The following PCDH11X variants were observed in gnomAD, a reference collection of about 807,000 sequenced individuals.
PCDH11X encodes protocadherin 11 X-linked.
PCDH11X carries 18 observed loss-of-function variants against 53.3 expected under a neutral mutation model. The observed-to-expected ratio is 0.34, with a 90% CI of 0.23 to 0.50. PCDH11X has a LOEUF of 0.50. PCDH11X is among the 20% of genes least tolerant of loss of function. PCDH11X has a pLI of 0.98. For synonymous variants in PCDH11X, 279 were observed against 393.3 expected (o/e 0.71, Z 3.44); for missense variants, 570 against 1,032.4 (o/e 0.55, Z 6.14).
intron 1 of PCDH11X, among the ~76,000 whole-genome samples, chrX:91,783,705 A>C (rs925590389): frequency 1.8e-5 from 2 of 112,038 alleles, no homozygotes; most frequent in Non-Finnish European, 3.8e-5. Context: ...ACATTGAAAA[A>C]ATATGTATGG....
At chrX:92,183,954 C>T (rs1458866324) in intron 6 of PCDH11X, among the ~76,000 whole-genome samples, 1 of 92,103 alleles carries the variant, frequency 1.1e-5, no homozygotes, top group Non-Finnish European at 2.1e-5. Context: ...AGTTTTTCCA[C>T]AGCACTGGAC....
At chrX:91,855,316 G>A (rs1158857670) in intron 5 of PCDH11X, among the ~76,000 whole-genome samples, 2 of 111,327 alleles carry the variant, frequency 1.8e-5, no homozygotes, top group African/African-American at 6.6e-5. Context: ...GTAGTAGTGA[G>A]GATTTGTTTC....
intron 6 of PCDH11X, among the ~76,000 whole-genome samples, chrX:92,049,200 G>A (rs1265528744): frequency 9.0e-6 from 1 of 110,686 alleles, no homozygotes; most frequent in African/African-American, 3.3e-5. Context: ...GAAAGCAAAG[G>A]GGAAAGGCGA....
At chrX:92,575,234 G>A (rs1418341808) in intron 10 of PCDH11X, among the ~76,000 whole-genome samples, 1 of 108,877 alleles carries the variant, frequency 9.2e-6, no homozygotes, top group Non-Finnish European at 1.9e-5. Flanking sequence ...ATATATCATG[G>A]ATAATTTAAT....
rs60792159 is a variant in PCDH11X, at chrX:92,085,481, CA to C, written c.3034-115878del. On this transcript the variant is annotated intron_variant, in intron 6 of 10. Coordinates refer to ENST00000682573, the MANE Select transcript of PCDH11X (RefSeq NM_032968.5). ...TAAAAGTCTTTTCTTAATTTGGTTG[CA>C]AAAAAAAAAAAAAAAGCCACCCAGA... is the stretch of plus-strand genomic sequence containing the variant. 4.7e-3 allele frequency among the ~76,000 whole-genome samples: 319 copies of C among 68,521 alleles called. 2 individuals carry two copies. The highest frequency in any genetic ancestry group is 6.2e-3 in the East Asian group (15 of 2,439). 59.5% of individuals were successfully genotyped at this position (68,521 alleles called of 115,157 possible).
chrX:92,611,449 CTT>C (rs1254821437), intron 10 of PCDH11X, among the ~76,000 whole-genome samples: 1 of 109,574 alleles, frequency 9.1e-6, no homozygotes, highest in Admixed American at 9.8e-5. Context: ...TATGCTGAAA[CTT>C]TGCTAAATCT....
rs2074589167 is a variant in PCDH11X at position 92,533,120 on chromosome X, A to T, written c.3367+64798A>T. ...ACAATAACAGGCTTTTTAGAACACC[A>T]TATCATTTTCAAAACAGAATATAAA... On this transcript the variant is annotated intron_variant, in intron 10 of 10. Transcript: ENST00000682573. Among the ~76,000 whole-genome samples the T allele has an allele frequency of 1.8e-5, 2 of 111,467 alleles. 1 individual carries two copies. Among genetic ancestry groups the T allele is most frequent in the Non-Finnish European group, 3.8e-5 (2 of 53,136 alleles).
chrX:92,147,243 T>C (rs2065282292), intron 6 of PCDH11X, among the ~76,000 whole-genome samples: 1 of 108,464 alleles, frequency 9.2e-6, no homozygotes. Context: ...ATGTAATTAT[T>C]TGTCTTTTTA....
At chrX:91,908,837 T>C (rs377158715) in intron 6 of PCDH11X, among the ~76,000 whole-genome samples, 122 of 105,535 alleles carry the variant, frequency 1.2e-3, no homozygotes, top group African/African-American at 4.1e-3. Flanking sequence ...AAATAACAGA[T>C]GCTGATGAGG....
At chrX:92,439,861 T>G (rs909267326) in intron 9 of PCDH11X, among the ~76,000 whole-genome samples, 1 of 99,586 alleles carries the variant, frequency 1.0e-5, no homozygotes, top group African/African-American at 3.5e-5. Context: ...ACTAAAGATT[T>G]TTTAAAAACA....
chrX:92,192,834 A>T (rs1361869915), intron 6 of PCDH11X, among the ~76,000 whole-genome samples: 1 of 108,611 alleles, frequency 9.2e-6, no homozygotes. Context: ...TGTCTCCCAG[A>T]TTCAAGCAAT....
intron 6 of PCDH11X, among the ~76,000 whole-genome samples, chrX:92,012,084 C>A (rs150343106): frequency 0.015 from 1,606 of 110,756 alleles, 36 homozygotes; most frequent in African/African-American, 0.051. Flanking sequence ...GCAAATCTAG[C>A]ATATATCCTT....
chrX:92,041,644 A>G (rs1449012728), intron 6 of PCDH11X, among the ~76,000 whole-genome samples: 1 of 112,202 alleles, frequency 8.9e-6, no homozygotes, highest in East Asian at 2.8e-4. Context: ...GTGCAAAAAA[A>G]TTAATGAGTA....
intron 8 of PCDH11X, among the ~76,000 whole-genome samples, chrX:92,291,873 C>CAAA (rs199895319): frequency 3.0e-5 from 3 of 100,833 alleles, no homozygotes; most frequent in African/African-American, 1.1e-4. Flanking sequence ...GTCTCAAAAA[C>CAAA]AAAAAAAAAG....
rs35067005 is a variant in PCDH11X, at chrX:92,540,673, T to A, written c.3367+72351T>A. On this transcript the variant is annotated intron_variant, in intron 10 of 10. Transcript: ENST00000682573. Reference sequence around the variant, plus strand: ...CCGCTGGGAATATGGCAGGTCACACTTGAAGTCAGTACATCTCAGAGCCCG... The same window carrying A: ...CCGCTGGGAATATGGCAGGTCACACATGAAGTCAGTACATCTCAGAGCCCG... Among the ~76,000 whole-genome samples, 172 of 106,514 alleles carry A rather than the reference T, an allele frequency of 1.6e-3. 1 individual carries two copies. The highest frequency in any genetic ancestry group is 5.7e-3 in the African/African-American group (165 of 29,161). The allele number at this position is 106,514 out of a possible 115,157, so 92.5% of individuals were successfully genotyped here.
At chrX:91,861,608 G>A (rs998545889) in intron 5 of PCDH11X, among the ~76,000 whole-genome samples, 1 of 110,913 alleles carries the variant, frequency 9.0e-6, no homozygotes, top group Non-Finnish European at 1.9e-5. Context: ...CCAGGAACTT[G>A]GTCATCTTAG....
intron 10 of PCDH11X, among the ~76,000 whole-genome samples, chrX:92,472,933 T>A (rs1314425728): frequency 5.4e-5 from 6 of 110,216 alleles, no homozygotes; most frequent in African/African-American, 2.0e-4. Context: ...GTTGTTGATG[T>A]ATAGGAATGC....
At chrX:91,876,379 T>A (rs927359066) in intron 5 of PCDH11X, among the ~76,000 whole-genome samples, 2 of 110,782 alleles carry the variant, frequency 1.8e-5, no homozygotes, top group Non-Finnish European at 3.8e-5. Flanking sequence ...AAATAAAAAA[T>A]TAATTAATTT....
At chrX:91,933,288 C>A (rs911891092) in intron 6 of PCDH11X, among the ~76,000 whole-genome samples, 76 of 106,037 alleles carry the variant, frequency 7.2e-4, no homozygotes, top group Non-Finnish European at 1.3e-3. Context: ...CCAGAGAAAA[C>A]TGTCTCCTCC....
Sources: gnomAD v4.1 joint callset for allele counts (sites outside exome capture counted in the v4.1 genomes callset) on GRCh38, gnomAD v4.1.1 for gene constraint, MANE v1.5 for transcripts, NCBI Gene and HGNC (gene_info 2026-07-23, HGNC 2026-07-21) for gene names.